Variants in ZNF74 observed in about 807,000 individuals in gnomAD.
ZNF74 encodes the protein zinc finger protein 74.
In ZNF74, 12 loss-of-function variants were observed where a neutral mutation model predicts 17.7. The observed-to-expected ratio is 0.68, with a 90% confidence interval of 0.43 to 1.10. The LOEUF (loss-of-function observed/expected upper bound fraction) is 1.10, where lower values mean the gene tolerates loss of function less well. Ranked by LOEUF, ZNF74 falls within the 50% of genes least tolerant of loss-of-function variation. The pLI, the probability that ZNF74 is intolerant of heterozygous loss-of-function variation, is 0.00. For missense variants in ZNF74, 811 were observed against 881.0 expected (o/e 0.92, Z 1.01); for synonymous variants, 358 against 362.1 (o/e 0.99, Z 0.13).
Position 20,405,530 on chromosome 22 carries a change from C to G in ZNF74, c.497C>G (p.Pro166Arg). 6.2e-7 allele frequency: 1 copy of G among 1,602,740 alleles called. No homozygotes were observed. Among genetic ancestry groups the G allele is most frequent in the Non-Finnish European group, 8.5e-7 (1 of 1,174,904 alleles). The change falls in exon 5 of 5, where the codon CCC becomes CGC. Residue 166 changes from proline to arginine, a missense_variant. Physicochemically the swap from Pro to Arg is moderately radical, Grantham distance 103. Around this residue, in one of 3 missense-constraint regions of ZNF74, gnomAD observed 666 missense variants for 702.3 expected, o/e 0.95. Transcript: ENST00000400451. ...LQRSQAAPWA[P>R]APAMVWDVPV... ...AGGAGTCAGGCTGCGCCCTGGGCGC[C>G]CGCACCTGCCATGGTCTGGGACGTC...
rs1378761257 is a variant in ZNF74 at position 20,405,365 on chromosome 22, A to G, written c.344-12A>G. 2.5e-6 allele frequency: 4 copies of G among 1,578,260 alleles called. No individual in the cohort carries two copies. The highest frequency in any genetic ancestry group is 1.4e-5 in the African/African-American group (1 of 72,726). ...CGCTTGCTCACAGAAAATCATTTTC[A>G]ATATCTTACAGAATGGGAGCTGAAG... is the stretch of plus-strand genomic sequence containing the variant. On this transcript the variant is annotated splice_polypyrimidine_tract_variant and intron_variant, in intron 4 of 4. Transcript: ENST00000400451.
rs1188398621 is a variant in ZNF74, at chr22:20,405,301, C to G, written c.344-76C>G. The G allele has an allele frequency of 6.8e-6, 10 of 1,474,122 alleles. No homozygotes were observed. The Admixed American group carries it at 2.1e-4, about 31-fold the overall frequency. 91.3% of individuals were successfully genotyped at this position (1,474,122 alleles called of 1,614,324 possible). On this transcript the variant is annotated intron_variant, in intron 4 of 4. Coordinates refer to ENST00000400451, the MANE Select transcript of ZNF74 (RefSeq NM_003426.4). Reference sequence around the variant, plus strand: ...CTCTTTTCTGGGCTTATCTGCATCTCCAGGCCAATTCTCAAATCTGAATTC... The same window carrying G: ...CTCTTTTCTGGGCTTATCTGCATCTGCAGGCCAATTCTCAAATCTGAATTC...
Position 20,406,013 on chromosome 22 carries a change from C to G in ZNF74, c.980C>G (p.Thr327Arg), listed in dbSNP as rs774994451. 6.2e-7 allele frequency: 1 copy of G among 1,612,992 alleles called. No individual in the cohort carries two copies. The highest frequency in any genetic ancestry group is 1.1e-5 in the South Asian group (1 of 91,030). The change falls in exon 5 of 5, where the codon ACG (threonine) becomes AGG (arginine). Residue 327 changes from threonine to arginine, a missense_variant. Physicochemically the swap from Thr to Arg is moderately conservative, Grantham distance 71 (BLOSUM62 -1). This residue lies in a region of ZNF74 where 666 missense variants were observed against 702.3 expected (regional missense o/e 0.95). Transcript: ENST00000400451. ...CTCAACGTGCACCAGCGCATCCACA[C>G]GGGCGAGCGGCCCTACAAGTGCAGC... Reference protein sequence around the residue: ...SSLNVHQRIHTGERPYKCSAC... With the variant: ...SSLNVHQRIHRGERPYKCSAC...
chr22:20,401,669 G>A lies in ZNF74; in HGVS notation c.343+297G>A, dbSNP rs549043373. Among the ~76,000 whole-genome samples the A allele has an allele frequency of 4.5e-4, 68 of 152,276 alleles. No homozygotes were observed. Among genetic ancestry groups the A allele is most frequent in the African/African-American group, 1.5e-3 (61 of 41,526 alleles). ...AGCCATTGGTGTTGGCTGGGCAGCC[G>A]GGGGTGTGGGATTGGGGGCAGGGGG... is the stretch of plus-strand genomic sequence containing the variant. On this transcript the variant is annotated intron_variant, in intron 4 of 4. Coordinates refer to ENST00000400451, the MANE Select transcript of ZNF74 (RefSeq NM_003426.4). The surrounding 1 kb of genome is among the most constrained non-coding windows in gnomAD (Gnocchi z 4.2).
Position 20,405,602 on chromosome 22 carries a change from G to C in ZNF74, c.569G>C (p.Arg190Pro). 1 of 1,613,238 alleles carries C rather than the reference G, an allele frequency of 6.2e-7. No individual in the cohort carries two copies. Among genetic ancestry groups the C allele is most frequent in the South Asian group, 1.1e-5 (1 of 91,002 alleles). The change falls in exon 5 of 5, where the codon CGC (arginine) becomes CCC (proline). Residue 190 changes from arginine to proline, a missense_variant. This residue lies in a region of ZNF74 where 666 missense variants were observed against 702.3 expected (regional missense o/e 0.95). Coordinates refer to ENST00000400451, the MANE Select transcript of ZNF74 (RefSeq NM_003426.4). ...PLRCPLFAQQ[R>P]VPEGGPLLDT... ...AGGTGTCCCCTCTTCGCCCAGCAAC[G>C]CGTTCCCGAGGGGGGACCCTTGCTG...
rs1214700841 is a variant in ZNF74 at position 20,405,370 on chromosome 22, C to T, written c.344-7C>T. 2.5e-6 allele frequency: 4 copies of T among 1,590,410 alleles called. No homozygotes were observed. The highest frequency in any genetic ancestry group is 3.4e-6 in the Non-Finnish European group (4 of 1,173,448). On this transcript the variant is annotated splice_region_variant and splice_polypyrimidine_tract_variant and intron_variant, in intron 4 of 4. Transcript: ENST00000400451. ...GCTCACAGAAAATCATTTTCAATAT[C>T]TTACAGAATGGGAGCTGAAGGCGGT...
Position 20,405,962 on chromosome 22 carries a change from G to A in ZNF74, c.929G>A (p.Gly310Glu), listed in dbSNP as rs2052417403. The A allele has an allele frequency of 1.2e-6, 2 of 1,613,608 alleles. No homozygotes were observed. Among genetic ancestry groups the A allele is most frequent in the Non-Finnish European group, 1.7e-6 (2 of 1,179,956 alleles). ...GEKPFFCGEC[G>E]KAFSCHSSLN... ...AAGCCCTTCTTCTGCGGCGAGTGCG[G>A]GAAGGCCTTCAGCTGCCACTCGTCC... is the stretch of plus-strand genomic sequence containing the variant. Residue 310 changes from glycine to glutamate, a missense_variant, in exon 5 of 5, where the codon GGG becomes GAG. By Grantham distance (98) the Gly-to-Glu change is moderately conservative (BLOSUM62 -2). Coordinates refer to ENST00000400451, the MANE Select transcript of ZNF74 (RefSeq NM_003426.4).
At chr22:20,397,980 GGCCCACT>G (rs1451778626) in intron 2 of ZNF74, among the ~76,000 whole-genome samples, 1 of 152,124 alleles carries the variant, frequency 6.6e-6, no homozygotes, top group Non-Finnish European at 1.5e-5. Context: ...ATTGGATCAA[GGCCCACT>G]GCATTGAATT....
chr22:20,406,749 T>G lies in ZNF74; in HGVS notation c.1716T>G (p.Thr572=). The change falls in exon 5 of 5, where the codon ACT becomes ACG. Residue 572 remains threonine (T), a synonymous_variant. Coordinates refer to ENST00000400451, the MANE Select transcript of ZNF74 (RefSeq NM_003426.4). ...GEMFNWSSHL[T]EHQRLHSEGK... Reference sequence around the variant, plus strand: ...TGTTCAACTGGAGCTCGCACCTCACTGAGCACCAGAGGCTGCACAGCGAGG... The same window carrying G: ...TGTTCAACTGGAGCTCGCACCTCACGGAGCACCAGAGGCTGCACAGCGAGG... The G allele has an allele frequency of 6.2e-7, 1 of 1,614,148 alleles. No homozygotes were observed. Among genetic ancestry groups the G allele is most frequent in the Non-Finnish European group, 8.5e-7 (1 of 1,180,030 alleles).
Position 20,406,739 on chromosome 22 carries a change from C to A in ZNF74, c.1706C>A (p.Ser569Ter). 6.2e-7 allele frequency: 1 copy of A among 1,614,138 alleles called. No individual in the cohort carries two copies. The highest frequency in any genetic ancestry group is 8.5e-7 in the Non-Finnish European group (1 of 1,180,036). Reference protein sequence around the residue: ...EKCGEMFNWSSHLTEHQRLHS... With the variant: ...EKCGEMFNWS ...TGTGGGGAGATGTTCAACTGGAGCT[C>A]GCACCTCACTGAGCACCAGAGGCTG... Residue 569 changes from serine to a stop codon, truncating the protein, a stop_gained, in exon 5 of 5, where the codon TCG becomes TAG. Transcript: ENST00000400451. LOFTEE classifies it low-confidence loss of function (END_TRUNC).
Position 20,395,754 on chromosome 22 carries a change from A to C in ZNF74, c.120+336A>C, listed in dbSNP as rs144819635. 7.5e-4 allele frequency among the ~76,000 whole-genome samples: 114 copies of C among 152,232 alleles called. 1 individual carries two copies. Among genetic ancestry groups the C allele is most frequent in the African/African-American group, 2.6e-3 (110 of 41,524 alleles). The stretch of plus-strand genomic sequence containing the variant: ...TCACATGGGGTCGCTTTGCCTATCC[A>C]CGTGCTGGCCAGGGGTTGGTGCAGG... On this transcript the variant is annotated intron_variant, in intron 2 of 4. Coordinates refer to ENST00000400451, the MANE Select transcript of ZNF74 (RefSeq NM_003426.4).
In ZNF74 at chr22:20,404,669, G is replaced by A. The variant is rs562266044; in HGVS notation, c.344-708G>A. Among the ~76,000 whole-genome samples, 3 of 152,134 alleles carry A rather than the reference G, an allele frequency of 2.0e-5. No homozygotes were observed. In the East Asian group the frequency reaches 5.8e-4, roughly 29 times the overall value. ...AAGTTACATCTTGGACTCGACTCTT[G>A]GACTAGGCTCATTTTGCTTCTGAAA... On this transcript the variant is annotated intron_variant, in intron 4 of 4. Coordinates refer to ENST00000400451, the MANE Select transcript of ZNF74 (RefSeq NM_003426.4).
chr22:20,395,662 CTGCCCAGCGCTGTGCTGGGAGCTCTG>C (rs2052284151), intron 2 of ZNF74, among the ~76,000 whole-genome samples: 1 of 152,212 alleles, frequency 6.6e-6, no homozygotes, highest in South Asian at 2.1e-4. Context: ...GGGGATCTCT[CTGCCCAGCGCTGTGCTGGGAGCTCTG>C]AGGAGTGGTT....
Position 20,401,403 on chromosome 22 carries a change from GC to G in ZNF74, c.343+35del. On this transcript the variant is annotated intron_variant, in intron 4 of 4. Coordinates refer to ENST00000400451, the MANE Select transcript of ZNF74 (RefSeq NM_003426.4). The surrounding 1 kb of genome is among the most constrained non-coding windows in gnomAD (Gnocchi z 4.2). ...CAGAGGCACAGGTGGAAGGGTGCCA[GC>G]CCCAGCACCCCTGGTGGCACCTCCT... is the stretch of plus-strand genomic sequence containing the variant. 1 of 1,438,404 alleles carries G rather than the reference GC, an allele frequency of 7.0e-7. No homozygotes were observed. The highest frequency in any genetic ancestry group is 9.6e-7 in the Non-Finnish European group (1 of 1,037,210). 89.1% of individuals were successfully genotyped at this position (1,438,404 alleles called of 1,614,324 possible).
In ZNF74 at chr22:20,405,683, T is replaced by TA; in HGVS notation, c.650_651insA (p.Cys218ValfsTer11). ...GGCAGAACCAAGGCCCCCGCGAGACTGTGTGCAGGGGAAAACGCCTCCACG... is the reference window on the plus strand; with the variant it reads ...GGCAGAACCAAGGCCCCCGCGAGACTAGTGTGCAGGGGAAAACGCCTCCACG... On this transcript the variant is annotated frameshift_variant, in exon 5 of 5. Coordinates refer to ENST00000400451, the MANE Select transcript of ZNF74 (RefSeq NM_003426.4). LOFTEE classifies it low-confidence loss of function (END_TRUNC). 1 of 1,609,528 alleles carries TA rather than the reference T, an allele frequency of 6.2e-7. No individual in the cohort carries two copies. The highest frequency in any genetic ancestry group is 8.5e-7 in the Non-Finnish European group (1 of 1,178,012).
In ZNF74 at chr22:20,405,792, C is replaced by T. The variant is rs1298482972; in HGVS notation, c.759C>T (p.Cys253=). The T allele has an allele frequency of 2.5e-6, 4 of 1,611,596 alleles. No individual in the cohort carries two copies. Among genetic ancestry groups the T allele is most frequent in the African/African-American group, 1.3e-5 (1 of 74,910 alleles). ...AGGGCGAGTTCGTGTGCGGCGAGTG[C>T]GGGAAGGCGTTCCGCCAGAGCTCCT... ...AGEGEFVCGE[C]GKAFRQSSSL... Residue 253 remains cysteine (C), a synonymous_variant, in exon 5 of 5, where the codon TGC becomes TGT. Coordinates refer to ENST00000400451, the MANE Select transcript of ZNF74 (RefSeq NM_003426.4).
Position 20,406,123 on chromosome 22 carries a change from G to A in ZNF74, c.1090G>A (p.Glu364Lys), listed in dbSNP as rs763118647. The change falls in exon 5 of 5, where the codon GAG becomes AAG. Residue 364 changes from glutamate (E) to lysine (K), a missense_variant. Physicochemically the swap from Glu to Lys is moderately conservative, Grantham distance 56. Transcript: ENST00000400451. Reference protein sequence around the residue: ...HTGEKPYRCGECGKAFNQRTH... With the variant: ...HTGEKPYRCGKCGKAFNQRTH... Reference sequence around the variant, plus strand: ...CGGCGAGAAGCCCTACCGGTGCGGCGAGTGCGGCAAGGCCTTCAACCAGCG... The same window carrying A: ...CGGCGAGAAGCCCTACCGGTGCGGCAAGTGCGGCAAGGCCTTCAACCAGCG... 3.1e-6 allele frequency: 5 copies of A among 1,613,480 alleles called. No homozygotes were observed. The highest frequency in any genetic ancestry group is 4.2e-6 in the Non-Finnish European group (5 of 1,179,828).
chr22:20,401,407 C>T lies in ZNF74; in HGVS notation c.343+35C>T. 7.1e-7 allele frequency: 1 copy of T among 1,407,540 alleles called. No homozygotes were observed. The highest frequency in any genetic ancestry group is 1.2e-5 in the South Asian group (1 of 81,890). 87.2% of individuals were successfully genotyped at this position (1,407,540 alleles called of 1,614,324 possible). A position where few individuals can be genotyped will look rare whatever the true frequency, so the allele number is the denominator to read the frequency against. On this transcript the variant is annotated intron_variant, in intron 4 of 4. Coordinates refer to ENST00000400451, the MANE Select transcript of ZNF74 (RefSeq NM_003426.4). The surrounding 1 kb of genome is among the most constrained non-coding windows in gnomAD (Gnocchi z 4.2). The stretch of plus-strand genomic sequence containing the variant: ...GGCACAGGTGGAAGGGTGCCAGCCC[C>T]AGCACCCCTGGTGGCACCTCCTCCT...
chr22:20,401,271 G>A lies in ZNF74; in HGVS notation c.248-6G>A, dbSNP rs752731623. ...CATGCCCAGCCCACTTTCTCTCCAC[G>A]AGCAGGACCTCCACTGCACAAGCCA... On this transcript the variant is annotated splice_polypyrimidine_tract_variant and splice_region_variant and intron_variant, in intron 3 of 4. Coordinates refer to ENST00000400451, the MANE Select transcript of ZNF74 (RefSeq NM_003426.4). This position sits in a 1 kb window ranked among gnomAD's most constrained non-coding sequence, Gnocchi z 4.2. 1.8e-5 allele frequency: 29 copies of A among 1,605,636 alleles called. No individual in the cohort carries two copies. The highest frequency in any genetic ancestry group is 5.4e-5 in the African/African-American group (4 of 74,692).
Sources: gnomAD v4.1 joint callset for allele counts (sites outside exome capture counted in the v4.1 genomes callset) on GRCh38, gnomAD v4.1.1 for gene constraint, gnomAD v4.1.1 regional missense constraint, Gnocchi (gnomAD v3.1) non-coding constraint, MANE v1.5 for transcripts, NCBI Gene and HGNC (gene_info 2026-07-23, HGNC 2026-07-21) for gene names.